Variants in CDH4 observed in about 807,000 individuals in gnomAD.
CDH4 encodes the protein cadherin-4.
A neutral mutation model predicts 86.0 loss-of-function variants in CDH4; 33 were observed. The observed-to-expected ratio is 0.38, with a 90% CI of 0.29 to 0.51. CDH4 has a LOEUF of 0.51. Among genes scored for constraint, CDH4 ranks in the 20% least tolerant of loss-of-function variants. The pLI, the probability that CDH4 is intolerant of heterozygous loss-of-function variation, is 0.86. For missense variants in CDH4, 1,114 were observed against 1,307.4 expected (o/e 0.85, Z 2.28); for synonymous variants, 555 against 549.4 (o/e 1.01, Z -0.14).
chr20:61,300,307 C>A (rs1463731086), intron 2 of CDH4, among the ~76,000 whole-genome samples: 2 of 152,060 alleles, frequency 1.3e-5, no homozygotes, highest in African/African-American at 2.4e-5. Context: ...AGGAGAAGGG[C>A]CACATGAGGG....
At chr20:61,631,483 T>C (rs2427202) in intron 2 of CDH4, among the ~76,000 whole-genome samples, 22,745 of 152,068 alleles carry the variant, frequency 0.15, 1,809 homozygotes, top group South Asian at 0.29. Flanking sequence ...CTACTAAAAA[T>C]ACAAAAATTA....
At chr20:61,306,972 G>A (rs1356064608) in intron 2 of CDH4, among the ~76,000 whole-genome samples, 1 of 152,202 alleles carries the variant, frequency 6.6e-6, no homozygotes, top group Admixed American at 6.5e-5. Flanking sequence ...TGTTGTAGGT[G>A]GGAGGGCTAG....
At chr20:61,634,496 T>TG (rs11480365) in intron 2 of CDH4, among the ~76,000 whole-genome samples, 96,297 of 151,980 alleles carry the variant, frequency 0.63, 31,105 homozygotes, top group African/African-American at 0.76. Flanking sequence ...AAAGCAACAA[T>TG]CCCAGAGGCT....
intron 8 of CDH4, among the ~76,000 whole-genome samples, chr20:61,909,550 T>C (rs951666090): frequency 6.6e-6 from 1 of 152,162 alleles, no homozygotes; most frequent in African/African-American, 2.4e-5. Context: ...GGAGAACCCT[T>C]CCTGCCTCTT....
In CDH4 at chr20:61,393,846, C is replaced by T. The variant is rs565631060; in HGVS notation, c.169+138909C>T. 6.6e-6 allele frequency among the ~76,000 whole-genome samples: 1 copy of T among 152,130 alleles called. No individual in the cohort carries two copies. The highest frequency in any genetic ancestry group is 2.1e-4 in the South Asian group (1 of 4,786). Reference sequence around the variant, plus strand: ...CACCTTCACCACCAAGACAGTTGCACCATGGGCTTCTCCTCTTCTGTAAAA... The same window carrying T: ...CACCTTCACCACCAAGACAGTTGCATCATGGGCTTCTCCTCTTCTGTAAAA... On this transcript the variant is annotated intron_variant, in intron 2 of 15. Coordinates refer to ENST00000614565, the MANE Select transcript of CDH4 (RefSeq NM_001794.5). This position sits in a 1 kb window ranked among gnomAD's most constrained non-coding sequence, Gnocchi z 4.3.
At chr20:61,547,903 TCAAA>T (rs1246314536) in intron 2 of CDH4, among the ~76,000 whole-genome samples, 4 of 152,256 alleles carry the variant, frequency 2.6e-5, no homozygotes, top group African/African-American at 7.2e-5. Context: ...CACATCTATG[TCAAA>T]CAGTCTGCTG....
At chr20:61,430,505 C>T (rs1474313698) in intron 2 of CDH4, among the ~76,000 whole-genome samples, 1 of 152,184 alleles carries the variant, frequency 6.6e-6, no homozygotes, top group African/African-American at 2.4e-5. Context: ...CCTTATCACC[C>T]TTTATGTGCA....
intron 15 of CDH4, among the ~76,000 whole-genome samples, chr20:61,935,478 C>G (rs1187507969): frequency 1.3e-5 from 2 of 151,662 alleles, no homozygotes; most frequent in African/African-American, 4.9e-5. Flanking sequence ...TGTTTGTTAG[C>G]CAGGCGCGGT....
At chr20:61,866,516 C>A (rs1568857206) in intron 6 of CDH4, among the ~76,000 whole-genome samples, 1 of 152,192 alleles carries the variant, frequency 6.6e-6, no homozygotes, top group South Asian at 2.1e-4. Context: ...AGCTTTTGCA[C>A]ATTTGACATG....
intron 6 of CDH4, among the ~76,000 whole-genome samples, chr20:61,856,870 G>A (rs1309861807): frequency 6.6e-6 from 1 of 152,234 alleles, no homozygotes; most frequent in Non-Finnish European, 1.5e-5. Context: ...ACTGGGAAGT[G>A]CAGGCAGGGC....
chr20:61,819,007 A>G (rs796431881), intron 4 of CDH4, among the ~76,000 whole-genome samples: 2 of 152,300 alleles, frequency 1.3e-5, no homozygotes, highest in African/African-American at 4.8e-5. Flanking sequence ...ACCTGCTGGC[A>G]CTTTCTGAGG....
intron 3 of CDH4, among the ~76,000 whole-genome samples, chr20:61,759,501 C>T (rs1482745074): frequency 1.3e-5 from 2 of 152,302 alleles, no homozygotes; most frequent in South Asian, 2.1e-4. Flanking sequence ...GAGCGTTTAT[C>T]GCGGTCCTCA....
At chr20:61,734,259 G>A (rs1239405304) in intron 2 of CDH4, among the ~76,000 whole-genome samples, 1 of 152,230 alleles carries the variant, frequency 6.6e-6, no homozygotes, top group Admixed American at 6.5e-5. Flanking sequence ...AAAAACAAAA[G>A]AAGCCGGGCT....
intron 2 of CDH4, among the ~76,000 whole-genome samples, chr20:61,423,721 T>C (rs758788330): frequency 7.2e-5 from 11 of 152,262 alleles, no homozygotes; most frequent in Non-Finnish European, 1.6e-4. Flanking sequence ...ATCCTTTGAT[T>C]TCTGCATCAT....
chr20:61,565,244 G>A (rs1051507359), intron 2 of CDH4, among the ~76,000 whole-genome samples: 1 of 89,890 alleles, frequency 1.1e-5, no homozygotes, highest in Non-Finnish European at 2.4e-5. Context: ...TGGTGGTGGC[G>A]GTGCTCTTGG....
chr20:61,680,829 C>G (rs1014378746), intron 2 of CDH4, among the ~76,000 whole-genome samples: 3 of 152,168 alleles, frequency 2.0e-5, no homozygotes, highest in African/African-American at 4.8e-5. Flanking sequence ...TGAGTTCCCC[C>G]CTGTGTCTTC....
intron 2 of CDH4, among the ~76,000 whole-genome samples, chr20:61,511,110 T>C (rs755353313): frequency 1.3e-5 from 2 of 152,222 alleles, no homozygotes; most frequent in Non-Finnish European, 2.9e-5. Context: ...GGGGATTCCA[T>C]TTAACATGAG....
At chr20:61,494,979 G>T (rs1600711618) in intron 2 of CDH4, among the ~76,000 whole-genome samples, 1 of 152,260 alleles carries the variant, frequency 6.6e-6, no homozygotes, top group African/African-American at 2.4e-5. Flanking sequence ...GGAAACTGAG[G>T]CTGGAAGAGG....
At chr20:61,713,222 C>G (rs967855511) in intron 2 of CDH4, among the ~76,000 whole-genome samples, 5 of 152,160 alleles carry the variant, frequency 3.3e-5, no homozygotes, top group Non-Finnish European at 5.9e-5. Flanking sequence ...TGTCCTGACC[C>G]CTGCATGTCC....
Sources: allele counts gnomAD v4.1 joint callset (sites outside exome capture counted in the v4.1 genomes callset), GRCh38; gene constraint gnomAD v4.1.1; non-coding constraint Gnocchi (gnomAD v3.1); transcripts MANE v1.5; gene names NCBI Gene and HGNC (gene_info 2026-07-23, HGNC 2026-07-21).